The following HMGB1 variants were observed in gnomAD, a reference collection of about 807,000 sequenced individuals.
HMGB1 encodes the protein high mobility group box 1.
For missense variants in HMGB1, 79 were observed against 253.5 expected (o/e 0.31, Z 4.67); for synonymous variants, 81 against 84.0 (o/e 0.96, Z 0.19).
chr13:30,566,520 CT>C (rs1450778439), intron 1 of HMGB1, among the ~76,000 whole-genome samples: 4 of 152,150 alleles, frequency 2.6e-5, no homozygotes, highest in Non-Finnish European at 4.4e-5. Flanking sequence ...ATGAAATATT[CT>C]TTTGATTTTT....
chr13:30,474,490 C>T (rs754547554), intron 1 of HMGB1, among the ~76,000 whole-genome samples: 5 of 152,118 alleles, frequency 3.3e-5, no homozygotes, highest in Admixed American at 6.5e-5. Context: ...TCTGGAGAGC[C>T]GGGGGTGACC....
chr13:30,531,509 C>CGTGTGT (rs376387192), intron 1 of HMGB1, among the ~76,000 whole-genome samples: 3,192 of 135,616 alleles, frequency 0.024, 44 homozygotes, highest in African/African-American at 0.034. Flanking sequence ...GTAACATATA[C>CGTGTGT]GTGTGTGTGT....
At chr13:30,529,028 CAAAAAAAAAAAAAAAA>C (rs59654057) in intron 1 of HMGB1, among the ~76,000 whole-genome samples, 2 of 53,518 alleles carry the variant, frequency 3.7e-5, no homozygotes, top group Non-Finnish European at 3.5e-5. Flanking sequence ...GACTGCGTCT[CAAAAAAAAAAAAAAAA>C]AAAAAAAAAA....
At chr13:30,493,521 G>A (rs1241464414) in intron 1 of HMGB1, among the ~76,000 whole-genome samples, 3 of 152,188 alleles carry the variant, frequency 2.0e-5, no homozygotes, top group Non-Finnish European at 4.4e-5. Context: ...CTGGCTGTGT[G>A]CAGTGGCTCA....
intron 1 of HMGB1, among the ~76,000 whole-genome samples, chr13:30,568,264 T>C (rs1870276182): frequency 6.6e-6 from 1 of 152,138 alleles, no homozygotes; most frequent in Admixed American, 6.5e-5. Flanking sequence ...CCCAGAACTT[T>C]GAGAAGCCAA....
In HMGB1 at chr13:30,463,703, T is replaced by C. The variant is rs751460204; in HGVS notation, c.-14-9A>G. ...CATGTTTAGTTATTTTTCTAAAAAATAAAATAAATATTTGATGTTAGCAAT... is the reference window on the plus strand; with the variant it reads ...CATGTTTAGTTATTTTTCTAAAAAACAAAATAAATATTTGATGTTAGCAAT... On this transcript the variant is annotated splice_polypyrimidine_tract_variant and intron_variant, in intron 1 of 4. Coordinates refer to ENST00000341423, the MANE Select transcript of HMGB1 (RefSeq NM_002128.7). 1.3e-6 allele frequency: 2 copies of C among 1,507,940 alleles called. No homozygotes were observed. The highest frequency in any genetic ancestry group is 1.8e-6 in the Non-Finnish European group (2 of 1,118,688). 93.4% of individuals were successfully genotyped at this position (1,507,940 alleles called of 1,614,324 possible).
At chr13:30,493,535 C>T (rs901043290) in intron 1 of HMGB1, among the ~76,000 whole-genome samples, 10 of 152,176 alleles carry the variant, frequency 6.6e-5, no homozygotes, top group Non-Finnish European at 1.3e-4. Flanking sequence ...TGGCTCACGC[C>T]TGTAATCCTA....
rs753749695 is a variant in HMGB1, at chr13:30,461,423, T to G, written c.582A>C (p.Glu194Asp). The change falls in exon 5 of 5, where the codon GAA (glutamate) becomes GAC (aspartate). Residue 194 changes from glutamate (E) to aspartate (D), a missense_variant. Physicochemically the swap from Glu to Asp is conservative, Grantham distance 45. Transcript: ENST00000341423. Reference protein sequence around the residue: ...KKEEEEDEEDEEDEEEEEDEE... With the variant: ...KKEEEEDEEDDEDEEEEEDEE... ...CATCTTCCTCCTCCTCCTCATCCTC[T>G]TCATCTTCCTCATCTTCCTCCTCTT... The G allele has an allele frequency of 1.9e-6, 3 of 1,600,498 alleles. No individual in the cohort carries two copies. In the African/African-American group the frequency reaches 4.0e-5, roughly 22 times the overall value.
chr13:30,528,984 G>C (rs1050711919), intron 1 of HMGB1, among the ~76,000 whole-genome samples: 11 of 136,706 alleles, frequency 8.0e-5, no homozygotes, highest in African/African-American at 2.8e-4. Context: ...AGCCGAGATC[G>C]CGCCACTGCA....
At chr13:30,525,166 T>C (rs1402623417) in intron 1 of HMGB1, among the ~76,000 whole-genome samples, 1 of 152,134 alleles carries the variant, frequency 6.6e-6, no homozygotes, top group African/African-American at 2.4e-5. Context: ...AGAGAGTAGG[T>C]GGAAGAACTG....
chr13:30,551,594 C>T (rs1004594777), intron 1 of HMGB1, among the ~76,000 whole-genome samples: 1 of 152,306 alleles, frequency 6.6e-6, no homozygotes, highest in East Asian at 1.9e-4. Flanking sequence ...TCACCCAGGC[C>T]TCTAGGATGC....
At chr13:30,545,894 T>G (rs117740897) in intron 1 of HMGB1, among the ~76,000 whole-genome samples, 1 of 151,600 alleles carries the variant, frequency 6.6e-6, no homozygotes, top group African/African-American at 2.4e-5. Context: ...TAGAAACGGG[T>G]TTTCAACATG....
chr13:30,593,726 T>C (rs921373879), intron 1 of HMGB1, among the ~76,000 whole-genome samples: 1 of 152,194 alleles, frequency 6.6e-6, no homozygotes, highest in African/African-American at 2.4e-5. Flanking sequence ...TTTTAGAACA[T>C]TTAAAAAGAT....
chr13:30,519,632 G>C (rs1432188889), intron 1 of HMGB1, among the ~76,000 whole-genome samples: 2 of 151,794 alleles, frequency 1.3e-5, no homozygotes, highest in East Asian at 1.9e-4. Context: ...CCCAGGAGAC[G>C]GAGCTTGCAG....
intron 1 of HMGB1, among the ~76,000 whole-genome samples, chr13:30,473,619 G>A (rs1489050721): frequency 6.6e-6 from 1 of 152,226 alleles, no homozygotes; most frequent in East Asian, 1.9e-4. Flanking sequence ...GGGTGAGCAT[G>A]TGGAGAAAGA....
intron 1 of HMGB1, among the ~76,000 whole-genome samples, chr13:30,509,331 TG>T (rs1392471101): frequency 6.6e-6 from 1 of 151,618 alleles, no homozygotes. Context: ...CTCTGCCTCC[TG>T]GGTTCATATG....
In HMGB1 at chr13:30,463,290, A is replaced by G. The variant is rs988415728; in HGVS notation, c.213T>C (p.Tyr71=). Residue 71 remains tyrosine, a synonymous_variant, in exon 3 of 5, where the codon TAT becomes TAC. Transcript: ENST00000341423. The part of the protein sequence containing the change: ...EDMAKADKAR[Y]EREMKTYIPP... The stretch of plus-strand genomic sequence containing the variant: ...GGATATAGGTTTTCATTTCTCTTTC[A>G]TAACGGGCCTTGTCCGCTTTTGCCA... 2.5e-6 allele frequency: 4 copies of G among 1,609,638 alleles called. No homozygotes were observed. Among genetic ancestry groups the G allele is most frequent in the African/African-American group, 2.7e-5 (2 of 74,522 alleles).
At position 30,463,703 on chromosome 13, in the gene HMGB1, TA is replaced by T. The variant is rs1459796195; in HGVS notation, c.-14-10del. 3 of 1,507,940 alleles carry T rather than the reference TA, an allele frequency of 2.0e-6. No individual in the cohort carries two copies. Among genetic ancestry groups the T allele is most frequent in the African/African-American group, 2.8e-5 (2 of 71,478 alleles). 93.4% of individuals were successfully genotyped at this position (1,507,940 alleles called of 1,614,324 possible). On this transcript the variant is annotated splice_polypyrimidine_tract_variant and intron_variant, in intron 1 of 4. Coordinates refer to ENST00000341423, the MANE Select transcript of HMGB1 (RefSeq NM_002128.7). ...CATGTTTAGTTATTTTTCTAAAAAA[TA>T]AAATAAATATTTGATGTTAGCAATA... is the stretch of plus-strand genomic sequence containing the variant.
chr13:30,583,413 C>T (rs1000701312), intron 1 of HMGB1, among the ~76,000 whole-genome samples: 17 of 150,196 alleles, frequency 1.1e-4, no homozygotes, highest in African/African-American at 4.2e-4. Flanking sequence ...CACCTATAGT[C>T]CCAGCTACTC....
Sources: allele counts gnomAD v4.1 joint callset (sites outside exome capture counted in the v4.1 genomes callset), GRCh38; gene constraint gnomAD v4.1.1; transcripts MANE v1.5; gene names NCBI Gene and HGNC (gene_info 2026-07-23, HGNC 2026-07-21).